Variants in C10orf88 observed in about 807,000 individuals in gnomAD.
C10orf88 encodes chromosome 10 open reading frame 88.
In C10orf88, 29 loss-of-function variants were observed where a neutral mutation model predicts 34.2. The observed-to-expected ratio is 0.85, with a 90% CI of 0.63 to 1.16. The LOEUF is 1.16. Ranked by LOEUF, C10orf88 falls within the 50% of genes most tolerant of loss-of-function variation. The pLI is 0.00. For synonymous variants in C10orf88, 194 were observed against 197.4 expected, an observed-to-expected ratio of 0.98 and a Z score of 0.15; for missense variants, 507 against 533.2, an observed-to-expected ratio of 0.95 and a Z score of 0.48.
chr10:122,939,803 T>A (rs1371733833), intron 4 of C10orf88, among the ~76,000 whole-genome samples: 17 of 151,910 alleles, frequency 1.1e-4, no homozygotes, highest in Admixed American at 1.1e-3. Context: ...ACAGTCAATG[T>A]CAAAAGTATG....
At chr10:122,949,426 A>G (rs1262190429) in intron 3 of C10orf88, among the ~76,000 whole-genome samples, 2 of 152,172 alleles carry the variant, frequency 1.3e-5, no homozygotes, top group East Asian at 1.9e-4. Context: ...AATGAGATGA[A>G]GTGAGGTGAA....
chr10:122,943,093 T>G (rs1403402714), intron 4 of C10orf88, among the ~76,000 whole-genome samples: 1 of 151,578 alleles, frequency 6.6e-6, no homozygotes, highest in African/African-American at 2.4e-5. Flanking sequence ...AGAACAAAGC[T>G]GGAGGCATCA....
At chr10:122,945,940 T>TA (rs1477018958) in intron 4 of C10orf88, among the ~76,000 whole-genome samples, 1 of 151,586 alleles carries the variant, frequency 6.6e-6, no homozygotes, top group Non-Finnish European at 1.5e-5. Flanking sequence ...CTACTAAAAA[T>TA]AAAAAAATTA....
chr10:122,943,145 A>C, intron 4 of C10orf88, among the ~76,000 whole-genome samples: 1 of 149,612 alleles, frequency 6.7e-6, no homozygotes, highest in African/African-American at 2.5e-5. Flanking sequence ...TACAGTAACC[A>C]AAACAGCATG....
rs184152127 is a variant in C10orf88, at chr10:122,932,683, T to C, written c.1104-22A>G. The C allele has an allele frequency of 1.1e-5, 17 of 1,512,778 alleles. No individual in the cohort carries two copies. In the East Asian group the frequency reaches 1.6e-4, roughly 14 times the overall value. 93.7% of individuals were successfully genotyped at this position (1,512,778 alleles called of 1,614,324 possible). ...CATTCTAAAAATACATTTTTAAAAATGTGTAAATTTTCCCTAATAACAAAA... is the reference window on the plus strand; with the variant it reads ...CATTCTAAAAATACATTTTTAAAAACGTGTAAATTTTCCCTAATAACAAAA... On this transcript the variant is annotated intron_variant, in intron 5 of 5. Coordinates refer to ENST00000481909, the MANE Select transcript of C10orf88 (RefSeq NM_024942.4).
chr10:122,954,182 G>A lies in C10orf88; in HGVS notation c.-4C>T, dbSNP rs1175936904. 1.9e-6 allele frequency: 3 copies of A among 1,558,260 alleles called. No homozygotes were observed. Among genetic ancestry groups the A allele is most frequent in the Admixed American group, 1.9e-5 (1 of 53,882 alleles). On this transcript the variant is annotated 5_prime_UTR_variant, in exon 1 of 6. Transcript: ENST00000481909. ...CGTCCTCGGTCCGCGTCTCCATTCC[G>A]CCGCCTTCAGTCAGGCCAGCCCAGC...
In C10orf88 at chr10:122,948,802, G is replaced by T. The variant is rs1014744457; in HGVS notation, c.495C>A (p.His165Gln). ...AAGAATTTGCAAAAACTGATCTCATGTGTACCACAACTTTACTGATGAACA... is the reference window on the plus strand; with the variant it reads ...AAGAATTTGCAAAAACTGATCTCATTTGTACCACAACTTTACTGATGAACA... ...QCVFISKVVVHMRSVFANSST... is the reference protein window; with the variant it reads ...QCVFISKVVVQMRSVFANSST... The change falls in exon 4 of 6, where the codon CAC becomes CAA. Residue 165 changes from histidine to glutamine, a missense_variant. Transcript: ENST00000481909. The T allele has an allele frequency of 1.9e-6, 3 of 1,613,590 alleles. No individual in the cohort carries two copies. The highest frequency in any genetic ancestry group is 1.3e-5 in the African/African-American group (1 of 74,910).
In C10orf88 at chr10:122,950,101, G is replaced by A. The variant is rs1378691739; in HGVS notation, c.442-1246C>T. On this transcript the variant is annotated intron_variant, in intron 3 of 5. Coordinates refer to ENST00000481909, the MANE Select transcript of C10orf88 (RefSeq NM_024942.4). ...CAGAGTAGCAAAATGGAAAGGGAAC[G>A]GACTTTAGAATCAGACAAACCTAAG... Among the ~76,000 whole-genome samples, 4 of 152,140 alleles carry A rather than the reference G, an allele frequency of 2.6e-5. No individual in the cohort carries two copies. The East Asian group carries it at 5.8e-4, about 22-fold the overall frequency.
At chr10:122,945,894 C>T (rs1048837103) in intron 4 of C10orf88, among the ~76,000 whole-genome samples, 13 of 151,900 alleles carry the variant, frequency 8.6e-5, no homozygotes, top group African/African-American at 2.9e-4. Flanking sequence ...ACCTGGAGTT[C>T]GAGACCAGCC....
Position 122,931,433 on chromosome 10 carries a change from C to T in C10orf88, c.*994G>A, listed in dbSNP as rs1380425496. 2 of 151,988 alleles carry T rather than the reference C, an allele frequency of 1.3e-5. No individual in the cohort carries two copies. The highest frequency in any genetic ancestry group is 4.8e-5 in the African/African-American group (2 of 41,354). 9.4% of individuals were successfully genotyped at this position (151,988 alleles called of 1,614,324 possible). On this transcript the variant is annotated 3_prime_UTR_variant, in exon 6 of 6. Coordinates refer to ENST00000481909, the MANE Select transcript of C10orf88 (RefSeq NM_024942.4). ...AAATATTAAATGAGTATGAGATACC[C>T]TTTTTCTAAAAAATAAGACATTTGA... is the stretch of plus-strand genomic sequence containing the variant.
rs1329313611 is a variant in C10orf88 at position 122,937,956 on chromosome 10, A to C, written c.852T>G (p.Gly284=). Residue 284 remains glycine, a synonymous_variant, in exon 5 of 6, where the codon GGT becomes GGG. Transcript: ENST00000481909. ...CATCAAGCTTGGTAGAATTCTCTCCACCAGGCAGTTGTGTACTTTTATCAA... is the reference window on the plus strand; with the variant it reads ...CATCAAGCTTGGTAGAATTCTCTCCCCCAGGCAGTTGTGTACTTTTATCAA... ...TYIDKSTQLP[G]GENSTKLDEC... 8 of 1,613,424 alleles carry C rather than the reference A, an allele frequency of 5.0e-6. No individual in the cohort carries two copies. The highest frequency in any genetic ancestry group is 1.1e-5 in the South Asian group (1 of 91,064).
intron 3 of C10orf88, among the ~76,000 whole-genome samples, chr10:122,950,676 T>C (rs1026490292): frequency 6.6e-6 from 1 of 152,244 alleles, no homozygotes; most frequent in Non-Finnish European, 1.5e-5. Context: ...ATTGTCTGTC[T>C]TGCCCACTAG....
chr10:122,936,544 A>G (rs1848535063), intron 5 of C10orf88, among the ~76,000 whole-genome samples: 1 of 151,902 alleles, frequency 6.6e-6, no homozygotes. Flanking sequence ...TTATAGGACT[A>G]TTCAGATTAT....
chr10:122,938,177 G>A lies in C10orf88; in HGVS notation c.649-18C>T, dbSNP rs1479261318. Reference sequence around the variant, plus strand: ...ATACAATTCTAAACAAGGTAAACAAGTAAATGTTAATATTAATAACACTGA... The same window carrying A: ...ATACAATTCTAAACAAGGTAAACAAATAAATGTTAATATTAATAACACTGA... On this transcript the variant is annotated intron_variant, in intron 4 of 5. Coordinates refer to ENST00000481909, the MANE Select transcript of C10orf88 (RefSeq NM_024942.4). The A allele has an allele frequency of 6.5e-7, 1 of 1,548,148 alleles. No homozygotes were observed. The highest frequency in any genetic ancestry group is 2.0e-5 in the Admixed American group (1 of 51,056).
At position 122,954,120 on chromosome 10, in the gene C10orf88, CAAG is replaced by C. The variant is rs1356743870; in HGVS notation, c.56_58del (p.Ser19del). On this transcript the variant is annotated inframe_deletion, in exon 1 of 6. Transcript: ENST00000481909. The stretch of plus-strand genomic sequence containing the variant: ...GGTCAGGGCCCCGCCTGCAACATCC[CAAG>C]AAGAGGCCAGCGTGGGGCGGCGGGT... 6 of 1,590,102 alleles carry C rather than the reference CAAG, an allele frequency of 3.8e-6. No homozygotes were observed. Among genetic ancestry groups the C allele is most frequent in the Non-Finnish European group, 4.3e-6 (5 of 1,171,704 alleles).
At chr10:122,948,565 A>G in intron 4 of C10orf88, 84 bp downstream of exon 4, 1 of 1,324,966 alleles carries the variant, frequency 7.5e-7, no homozygotes, top group Non-Finnish European at 1.0e-6. Flanking sequence ...TGAAAGAAAA[A>G]TTTTAAGTCA....
At chr10:122,941,374 C>G (rs1848579674) in intron 4 of C10orf88, among the ~76,000 whole-genome samples, 1 of 152,142 alleles carries the variant, frequency 6.6e-6, no homozygotes, top group South Asian at 2.1e-4. Context: ...GCATTTCAGA[C>G]TCACAAAACT....
intron 1 of C10orf88, among the ~76,000 whole-genome samples, chr10:122,953,395 C>T (rs1848711877): frequency 1.3e-5 from 2 of 152,068 alleles, no homozygotes; most frequent in South Asian, 4.2e-4. Flanking sequence ...TTTCTTCTAA[C>T]TCACTTCCAC....
intron 4 of C10orf88, among the ~76,000 whole-genome samples, chr10:122,945,965 C>T (rs2133334213): frequency 6.6e-6 from 1 of 152,008 alleles, no homozygotes; most frequent in African/African-American, 2.4e-5. Context: ...GGTGTGGTGG[C>T]ATGCGCCTGT....
Sources: gnomAD v4.1 joint callset for allele counts (sites outside exome capture counted in the v4.1 genomes callset) on GRCh38, gnomAD v4.1.1 for gene constraint, MANE v1.5 for transcripts, NCBI Gene and HGNC (gene_info 2026-07-23, HGNC 2026-07-21) for gene names.